Variants in OLAH observed in about 807,000 individuals in gnomAD.
OLAH encodes the protein oleoyl-ACP hydrolase, also known as S-acyl fatty acid synthase thioesterase, medium chain.
Under a neutral mutation model 27.8 loss-of-function variants are expected in OLAH, and 33 were observed. The observed-to-expected ratio is 1.19, with a 90% CI of 0.90 to 1.59. The LOEUF (loss-of-function observed/expected upper bound fraction) is 1.59. OLAH is among the 40% of genes most tolerant of loss of function. The pLI is 0.00. For synonymous variants in OLAH, 120 were observed against 102.9 expected (o/e 1.17, Z -1.01); for missense variants, 359 against 310.8 (o/e 1.16, Z -1.17).
At chr10:15,042,723 A>G (rs996149088), upstream of OLAH, among the ~76,000 whole-genome samples, 1 of 152,114 alleles carries the variant, frequency 6.6e-6, no homozygotes, top group Admixed American at 6.5e-5. Flanking sequence ...TGAAGAACCC[A>G]AGCCTTCTTT....
intron 3 of OLAH, among the ~76,000 whole-genome samples, chr10:15,061,221 T>A (rs545594365): frequency 1.3e-5 from 2 of 152,326 alleles, no homozygotes; most frequent in African/African-American, 4.8e-5. Context: ...AGAAAGTTCT[T>A]CTTTTCTCCT....
chr10:15,038,961 G>A (rs957486453), upstream of OLAH, among the ~76,000 whole-genome samples: 9 of 152,148 alleles, frequency 5.9e-5, 1 homozygote, highest in East Asian at 5.8e-4. Flanking sequence ...AGTGGTTCAC[G>A]CTTGTAATAC....
At chr10:15,045,416 C>T (rs914593894) in intron 1 of OLAH, among the ~76,000 whole-genome samples, 1 of 152,178 alleles carries the variant, frequency 6.6e-6, no homozygotes, top group Non-Finnish European at 1.5e-5. Context: ...AGAACTTGCT[C>T]TCTTTTTCTG....
intron 1 of OLAH, among the ~76,000 whole-genome samples, chr10:15,046,421 T>A (rs1330924561): frequency 6.6e-6 from 1 of 152,170 alleles, no homozygotes; most frequent in South Asian, 2.1e-4. Context: ...ATGGGAAGTT[T>A]GGCACAGCAG....
chr10:15,050,879 G>A (rs879846529), intron 3 of OLAH, among the ~76,000 whole-genome samples: 3 of 151,664 alleles, frequency 2.0e-5, no homozygotes, highest in Admixed American at 6.6e-5. Flanking sequence ...CACTGCAGCC[G>A]GCCTCTATAA....
At chr10:15,045,488 G>C (rs1843997887) in intron 1 of OLAH, among the ~76,000 whole-genome samples, 1 of 152,158 alleles carries the variant, frequency 6.6e-6, no homozygotes, top group Admixed American at 6.5e-5. Context: ...ATCCTCATGA[G>C]TCATTCAGGT....
intron 6 of OLAH, among the ~76,000 whole-genome samples, chr10:15,069,830 C>CA (rs1844546316): frequency 6.6e-6 from 1 of 152,116 alleles, no homozygotes; most frequent in Admixed American, 6.5e-5. Context: ...CACGCCATTG[C>CA]ACTCAAGCCC....
At chr10:15,034,113 T>TC (rs377306668) in intron 1 of OLAH, among the ~76,000 whole-genome samples, 116 of 111,684 alleles carry the variant, frequency 1.0e-3, no homozygotes, top group African/African-American at 3.6e-3. Context: ...TTTTTTTTTT[T>TC]TCTTTTTTTT....
intron 1 of OLAH, among the ~76,000 whole-genome samples, chr10:15,033,615 A>G (rs757896688): frequency 1.3e-5 from 2 of 152,178 alleles, no homozygotes; most frequent in Non-Finnish European, 2.9e-5. Context: ...ACGGAAGTCT[A>G]TTGGCTCACA....
intron 6 of OLAH, among the ~76,000 whole-genome samples, chr10:15,068,647 C>T (rs531244191): frequency 5.9e-5 from 9 of 152,236 alleles, no homozygotes; most frequent in Non-Finnish European, 1.0e-4. Context: ...CACCCCACCT[C>T]GGCCTCCCAA....
At position 15,073,283 on chromosome 10, in the gene OLAH, T is replaced by A; in HGVS notation, c.*54T>A. 8.3e-7 allele frequency: 1 copy of A among 1,198,036 alleles called. No homozygotes were observed. Among genetic ancestry groups the A allele is most frequent in the South Asian group, 1.4e-5 (1 of 73,428 alleles). 74.2% of individuals were successfully genotyped at this position (1,198,036 alleles called of 1,614,324 possible). On this transcript the variant is annotated 3_prime_UTR_variant, in exon 8 of 8. Coordinates refer to ENST00000378228, the MANE Select transcript of OLAH (RefSeq NM_001039702.3). ...CAAAGTAATATCATACTCTTCTCAG[T>A]TATTCAGATATAGCTCAGTTTTATT...
rs189315210 is a variant in OLAH at position 15,036,278 on chromosome 10, G to A, written c.-164+3928G>A. Among the ~76,000 whole-genome samples the A allele has an allele frequency of 6.6e-5, 10 of 152,066 alleles. No individual in the cohort carries two copies. The East Asian group carries it at 7.7e-4, about 12-fold the overall frequency. Reference sequence around the variant, plus strand: ...TTTGGGATTCCAAGGTGGGTGGATCGCTTGAGGTCAGGAGTTCAAGACCAG... The same window carrying A: ...TTTGGGATTCCAAGGTGGGTGGATCACTTGAGGTCAGGAGTTCAAGACCAG... On this transcript the variant is annotated intron_variant, in intron 1 of 3. Transcript: ENST00000413672.
chr10:15,065,045 T>C (rs1404359833), intron 5 of OLAH, among the ~76,000 whole-genome samples: 1 of 152,218 alleles, frequency 6.6e-6, no homozygotes, highest in South Asian at 2.1e-4. Context: ...TCTTTCAATA[T>C]CATTCTCTGT....
chr10:15,057,331 C>T (rs1258085431), intron 3 of OLAH, among the ~76,000 whole-genome samples: 2 of 151,352 alleles, frequency 1.3e-5, no homozygotes, highest in South Asian at 4.2e-4. Flanking sequence ...CATTCCCCCA[C>T]TGGTTTTAAG....
chr10:15,034,785 T>C (rs1843815163), intron 1 of OLAH, among the ~76,000 whole-genome samples: 1 of 147,772 alleles, frequency 6.8e-6, no homozygotes, highest in African/African-American at 2.5e-5. Context: ...ACAGTTTTCA[T>C]TTTTTCTTTT....
At chr10:15,055,256 G>A (rs546109472) in intron 3 of OLAH, among the ~76,000 whole-genome samples, 160 of 152,302 alleles carry the variant, frequency 1.1e-3, no homozygotes, top group African/African-American at 3.6e-3. Flanking sequence ...AGATTTTCCT[G>A]ACGAGCAAGA....
At chr10:15,038,071 C>G (rs2131327834) in intron 1 of OLAH, among the ~76,000 whole-genome samples, 1 of 152,332 alleles carries the variant, frequency 6.6e-6, no homozygotes, top group Middle Eastern at 3.4e-3. Context: ...GACATGGAAT[C>G]AAAGGAGATC....
At chr10:15,049,567 C>T in intron 2 of OLAH, 68 bp from the exon 3 acceptor site, 1 of 971,314 alleles carries the variant, frequency 1.0e-6, no homozygotes, top group African/African-American at 1.7e-5. Flanking sequence ...CATTAAAACA[C>T]AGGTAATTCA....
chr10:15,046,633 A>G (rs1844023611), intron 1 of OLAH, among the ~76,000 whole-genome samples: 1 of 151,878 alleles, frequency 6.6e-6, no homozygotes, highest in Non-Finnish European at 1.5e-5. Context: ...TATCCGGCTA[A>G]TTTTTATATT....
Sources: allele counts gnomAD v4.1 joint callset (sites outside exome capture counted in the v4.1 genomes callset), GRCh38; gene constraint gnomAD v4.1.1; transcripts MANE v1.5; gene names NCBI Gene and HGNC (gene_info 2026-07-23, HGNC 2026-07-21).